The following DIAPH2 variants were observed in gnomAD, a reference collection of about 807,000 sequenced individuals.
DIAPH2 encodes the protein diaphanous related formin 2, also known as protein diaphanous homolog 2.
A neutral mutation model predicts 92.7 loss-of-function variants in DIAPH2; 35 were observed. The observed-to-expected ratio is 0.38, with a 90% CI of 0.29 to 0.50. The LOEUF (loss-of-function observed/expected upper bound fraction) is 0.50. Ranked by LOEUF, DIAPH2 falls within the 20% of genes least tolerant of loss-of-function variation. The pLI is 0.94. For synonymous variants in DIAPH2, 301 were observed against 280.4 expected, an observed-to-expected ratio of 1.07 and a Z score of -0.73; for missense variants, 701 against 819.5, an observed-to-expected ratio of 0.86 and a Z score of 1.77.
intron 24 of DIAPH2, among the ~76,000 whole-genome samples, chrX:97,359,198 G>T (rs753233263): frequency 9.0e-6 from 1 of 111,488 alleles, no homozygotes; most frequent in East Asian, 2.8e-4. Context: ...GTGTCAAGGG[G>T]CCTTAAATCA....
chrX:96,929,010 T>C (rs1440975964), intron 9 of DIAPH2, among the ~76,000 whole-genome samples: 5 of 111,644 alleles, frequency 4.5e-5, no homozygotes. Flanking sequence ...TCTCTTTACT[T>C]GTAGGGTATT....
chrX:97,324,228 T>G (rs1191285287), intron 23 of DIAPH2, among the ~76,000 whole-genome samples: 3 of 112,053 alleles, frequency 2.7e-5, no homozygotes, highest in African/African-American at 9.7e-5. Context: ...AGTGCCTTAC[T>G]TACTCCTATA....
intron 15 of DIAPH2, 123 bp downstream of exon 15, chrX:96,949,162 T>C (rs1368564087): frequency 1.3e-5 from 5 of 394,298 alleles, no homozygotes; most frequent in Admixed American, 1.0e-4. Context: ...TACATTTTCA[T>C]TGAAATAACT....
chrX:97,092,565 A>C (rs1191591074), intron 19 of DIAPH2, among the ~76,000 whole-genome samples: 1 of 112,546 alleles, frequency 8.9e-6, no homozygotes, highest in Non-Finnish European at 1.9e-5. Flanking sequence ...GATAACTTAT[A>C]CTTTGTTTTC....
Position 97,075,170 on chromosome X carries a change from T to G in DIAPH2, c.2156T>G (p.Ile719Ser), listed in dbSNP as rs2066697062. The G allele has an allele frequency of 8.6e-7, 1 of 1,167,776 alleles. No individual in the cohort carries two copies. The highest frequency in any genetic ancestry group is 1.8e-5 in the African/African-American group (1 of 55,476). ...LDPKTAQNLSIFLGSYRMPYE... is the reference protein window; with the variant it reads ...LDPKTAQNLSSFLGSYRMPYE... ...ATAAAATCAAATTTTATTTTAGCCA[T>G]CTTTCTGGGATCATATCGCATGCCA... The change falls in exon 19 of 27, where the codon ATC becomes AGC. Residue 719 changes from isoleucine (I) to serine (S), a missense_variant. Transcript: ENST00000324765.
intron 19 of DIAPH2, among the ~76,000 whole-genome samples, chrX:97,076,885 C>G (rs1162908135): frequency 1.8e-5 from 2 of 111,537 alleles, no homozygotes; most frequent in African/African-American, 6.5e-5. Flanking sequence ...CCATATCCTG[C>G]TTTACCCACC....
chrX:96,810,979 T>A (rs2064675100), intron 4 of DIAPH2, among the ~76,000 whole-genome samples: 1 of 112,124 alleles, frequency 8.9e-6, no homozygotes, highest in Admixed American at 9.5e-5. Flanking sequence ...TTCTTTTGGC[T>A]TAGGATTGTC....
intron 3 of DIAPH2, among the ~76,000 whole-genome samples, chrX:96,751,562 C>T (rs944093059): frequency 3.1e-5 from 3 of 96,412 alleles, no homozygotes; most frequent in East Asian, 6.9e-4. Flanking sequence ...GGTGGAAGAG[C>T]GAGACTCTGT....
At chrX:97,459,679 T>A (rs1338022592) in intron 26 of DIAPH2, among the ~76,000 whole-genome samples, 1 of 111,910 alleles carries the variant, frequency 8.9e-6, no homozygotes, top group Non-Finnish European at 1.9e-5. Context: ...CCTACAAAAT[T>A]AGCAATATTA....
At chrX:97,117,187 T>A (rs2147381454) in intron 21 of DIAPH2, among the ~76,000 whole-genome samples, 1 of 110,588 alleles carries the variant, frequency 9.0e-6, no homozygotes, top group Admixed American at 9.7e-5. Flanking sequence ...GAAAGAGAAA[T>A]ATCATACACA....
chrX:97,398,919 G>A (rs2069729378), intron 25 of DIAPH2, among the ~76,000 whole-genome samples: 1 of 109,950 alleles, frequency 9.1e-6, no homozygotes, highest in Non-Finnish European at 1.9e-5. Context: ...GCTAATTTTT[G>A]TATTTTTAGT....
chrX:97,025,916 T>C (rs1028652884), intron 17 of DIAPH2, among the ~76,000 whole-genome samples: 4 of 111,851 alleles, frequency 3.6e-5, no homozygotes, highest in Non-Finnish European at 3.8e-5. Flanking sequence ...TAAATGTTGA[T>C]ATCCTTGGAC....
chrX:97,237,573 T>C (rs1170357396), intron 22 of DIAPH2, among the ~76,000 whole-genome samples: 1 of 105,629 alleles, frequency 9.5e-6, no homozygotes. Flanking sequence ...TTTTTCTTTT[T>C]CTTTTTTCTA....
At chrX:97,035,228 G>T (rs1254607039) in intron 17 of DIAPH2, among the ~76,000 whole-genome samples, 2 of 111,715 alleles carry the variant, frequency 1.8e-5, no homozygotes, top group Non-Finnish European at 3.8e-5. Context: ...TAATTAGCAT[G>T]AAATATGAAT....
chrX:97,185,306 A>AAAAT lies in DIAPH2; in HGVS notation c.2719+43513_2719+43514insAATA, dbSNP rs1555998004. Among the ~76,000 whole-genome samples, 2 of 34,449 alleles carry AAAAT rather than the reference A, an allele frequency of 5.8e-5. 1 individual carries two copies. Among genetic ancestry groups the AAAAT allele is most frequent in the Admixed American group, 8.8e-4 (2 of 2,266 alleles). The allele number at this position is 34,449 out of a possible 115,157, so 29.9% of individuals were successfully genotyped here. On this transcript the variant is annotated intron_variant, in intron 22 of 26. Coordinates refer to ENST00000324765, the MANE Select transcript of DIAPH2 (RefSeq NM_006729.5). ...TGAGACCCTGTCTCAAAAAAAAAAAAATATATATATATATATATGTGTATA... is the reference window on the plus strand; with the variant it reads ...TGAGACCCTGTCTCAAAAAAAAAAAAAAATATATATATATATATATATGTGTATA...
At chrX:96,932,921 TC>T (rs1266583530) in intron 10 of DIAPH2, among the ~76,000 whole-genome samples, 1 of 111,546 alleles carries the variant, frequency 9.0e-6, no homozygotes, top group Non-Finnish European at 1.9e-5. Flanking sequence ...TACCCTATTT[TC>T]CCCCACACCC....
intron 24 of DIAPH2, among the ~76,000 whole-genome samples, chrX:97,365,980 C>T (rs193287612): frequency 1.8e-3 from 200 of 111,458 alleles, no homozygotes; most frequent in African/African-American, 6.2e-3. Flanking sequence ...TGTGAGCCAT[C>T]GCACCCGGTG....
intron 4 of DIAPH2, among the ~76,000 whole-genome samples, chrX:96,801,001 T>C (rs1478713404): frequency 8.9e-6 from 1 of 112,273 alleles, no homozygotes; most frequent in East Asian, 2.8e-4. Context: ...TTCCCTTTGG[T>C]AAAGGAATGT....
intron 23 of DIAPH2, among the ~76,000 whole-genome samples, chrX:97,307,142 A>C (rs1602495578): frequency 8.9e-6 from 1 of 112,137 alleles, no homozygotes; most frequent in African/African-American, 3.2e-5. Context: ...TGACTTGAAT[A>C]AAAAGCCACT....
Sources: gnomAD v4.1 joint callset for allele counts (sites outside exome capture counted in the v4.1 genomes callset) on GRCh38, gnomAD v4.1.1 for gene constraint, MANE v1.5 for transcripts, NCBI Gene and HGNC (gene_info 2026-07-23, HGNC 2026-07-21) for gene names.